The following FRMPD4 variants were observed in gnomAD, a reference collection of about 807,000 sequenced individuals.
FRMPD4 encodes the protein FERM and PDZ domain containing 4.
A neutral mutation model predicts 94.1 loss-of-function variants in FRMPD4; 22 were observed. That is an observed-to-expected ratio of 0.23 (90% confidence interval 0.17 to 0.33). The LOEUF (loss-of-function observed/expected upper bound fraction) is 0.33, where lower values mean the gene tolerates loss of function less well. FRMPD4 is among the 10% of genes least tolerant of loss of function. The probability of loss-of-function intolerance (pLI) is 1.00; values close to 1 mark genes in which losing one functional copy is unlikely to be tolerated. For synonymous variants in FRMPD4, 631 were observed against 548.6 expected (o/e 1.15, Z -2.10); for missense variants, 1,111 against 1,339.9 (o/e 0.83, Z 2.67).
intron 1 of FRMPD4, among the ~76,000 whole-genome samples, chrX:12,308,581 G>A (rs150130331): frequency 4.5e-5 from 5 of 111,453 alleles, no homozygotes; most frequent in Admixed American, 2.9e-4. Flanking sequence ...TTGAAGGAGC[G>A]GGTGTGCTGG....
intron 1 of FRMPD4, among the ~76,000 whole-genome samples, chrX:11,848,124 AC>A (rs2053592573): frequency 9.0e-6 from 1 of 110,979 alleles, no homozygotes; most frequent in Non-Finnish European, 1.9e-5. Flanking sequence ...TTTTTGGAAT[AC>A]TGTACATTTT....
chrX:11,922,118 G>A (rs1282669716), intron 3 of FRMPD4, among the ~76,000 whole-genome samples: 1 of 110,570 alleles, frequency 9.0e-6, no homozygotes, highest in Non-Finnish European at 1.9e-5. Flanking sequence ...TTCTTGCACT[G>A]CTATAAAGAA....
intron 3 of FRMPD4, among the ~76,000 whole-genome samples, chrX:12,112,259 C>T (rs1199322994): frequency 9.0e-6 from 1 of 110,689 alleles, no homozygotes; most frequent in African/African-American, 3.3e-5. Context: ...GAGTTCATGT[C>T]CTTTGTAGGG....
intron 1 of FRMPD4, among the ~76,000 whole-genome samples, chrX:12,379,642 C>CGT (rs55742933): frequency 0.12 from 11,217 of 89,809 alleles, 607 homozygotes; most frequent in Middle Eastern, 0.2. Context: ...GATATGCTGC[C>CGT]GTGTGTGTGT....
intron 2 of FRMPD4, among the ~76,000 whole-genome samples, chrX:12,516,144 CTT>C (rs1478841831): frequency 8.9e-6 from 1 of 111,798 alleles, no homozygotes. Context: ...GGTCTTGACT[CTT>C]TATCCAACTT....
At chrX:12,178,263 G>A (rs968772479) in intron 1 of FRMPD4, among the ~76,000 whole-genome samples, 9 of 111,385 alleles carry the variant, frequency 8.1e-5, no homozygotes, top group Admixed American at 2.9e-4. Context: ...CTTCATAACC[G>A]TGAGCAATAC....
chrX:12,169,272 A>G (rs931317240), intron 1 of FRMPD4, among the ~76,000 whole-genome samples: 3 of 111,858 alleles, frequency 2.7e-5, no homozygotes, highest in Admixed American at 9.4e-5. Flanking sequence ...AGTTTTCTGG[A>G]CTGGAGGAAA....
intron 1 of FRMPD4, among the ~76,000 whole-genome samples, chrX:12,409,085 TTTTG>T (rs2056700773): frequency 9.0e-6 from 1 of 111,596 alleles, no homozygotes; most frequent in Non-Finnish European, 1.9e-5. Context: ...TGGTTGTTGT[TTTTG>T]TTAAGACAGC....
At chrX:11,951,334 A>G (rs1260902299) in intron 3 of FRMPD4, among the ~76,000 whole-genome samples, 1 of 111,486 alleles carries the variant, frequency 9.0e-6, no homozygotes, top group Non-Finnish European at 1.9e-5. Context: ...AAGACATGGA[A>G]TCAACCTAAG....
chrX:12,137,999 G>A (rs1318023254), upstream of FRMPD4, among the ~76,000 whole-genome samples: 1 of 111,416 alleles, frequency 9.0e-6, no homozygotes, highest in Non-Finnish European at 1.9e-5. Flanking sequence ...GGGAGCAGCT[G>A]TGTTCATCCC....
intron 3 of FRMPD4, among the ~76,000 whole-genome samples, chrX:12,028,408 C>CA (rs1423768470): frequency 1.8e-5 from 2 of 111,632 alleles, no homozygotes; most frequent in Non-Finnish European, 3.8e-5. Context: ...CCCACACATG[C>CA]ATAGCCTTCG....
At chrX:12,268,543 A>T (rs1404358312) in intron 1 of FRMPD4, among the ~76,000 whole-genome samples, 4 of 111,753 alleles carry the variant, frequency 3.6e-5, no homozygotes, top group Non-Finnish European at 5.6e-5. Context: ...AACTGGGCTA[A>T]TGGTTGGGAA....
chrX:12,510,069 AATCTGT>A (rs1450595135), intron 2 of FRMPD4, among the ~76,000 whole-genome samples: 3 of 111,913 alleles, frequency 2.7e-5, no homozygotes, highest in Admixed American at 1.9e-4. Context: ...TTGGACTAGA[AATCTGT>A]ATCATCTGGG....
intron 1 of FRMPD4, among the ~76,000 whole-genome samples, chrX:12,481,286 C>T (rs1413512001): frequency 2.7e-5 from 3 of 111,721 alleles, no homozygotes; most frequent in South Asian, 3.8e-4. Context: ...TAGGCCCCCA[C>T]GCCTGCCTTT....
chrX:11,919,288 GTCGA>G (rs1375600438), intron 3 of FRMPD4, among the ~76,000 whole-genome samples: 1 of 112,565 alleles, frequency 8.9e-6, no homozygotes, highest in Non-Finnish European at 1.9e-5. Context: ...CTTGCCCTCA[GTCGA>G]GAACCACTGC....
intron 1 of FRMPD4, among the ~76,000 whole-genome samples, chrX:11,836,957 C>T (rs1356386062): frequency 1.8e-5 from 2 of 112,068 alleles, no homozygotes; most frequent in East Asian, 5.6e-4. Flanking sequence ...AGTGAAAAGT[C>T]AAAATCTACG....
chrX:12,667,078 A>G (rs768484665), intron 4 of FRMPD4, among the ~76,000 whole-genome samples: 19 of 112,353 alleles, frequency 1.7e-4, no homozygotes, highest in African/African-American at 5.5e-4. Flanking sequence ...CTTTCTTTCT[A>G]AATAAAAATA....
chrX:12,197,446 C>T (rs2056580457), intron 1 of FRMPD4, among the ~76,000 whole-genome samples: 1 of 111,709 alleles, frequency 9.0e-6, no homozygotes, highest in African/African-American at 3.3e-5. Context: ...TGGGTTTCCA[C>T]TGATTGATTT....
chrX:11,862,995 TCTC>T (rs2147299006), intron 1 of FRMPD4, among the ~76,000 whole-genome samples: 1 of 82,958 alleles, frequency 1.2e-5, no homozygotes, highest in African/African-American at 5.2e-5. Context: ...TGCATCTCTC[TCTC>T]TTTTTTTTTA....
Sources: gnomAD v4.1 joint callset for allele counts (sites outside exome capture counted in the v4.1 genomes callset) on GRCh38, gnomAD v4.1.1 for gene constraint, MANE v1.5 for transcripts, NCBI Gene and HGNC (gene_info 2026-07-23, HGNC 2026-07-21) for gene names.